The following MLH3 variants were observed in gnomAD, a reference collection of about 807,000 sequenced individuals.
MLH3 encodes the protein DNA mismatch repair protein Mlh3.
Under a neutral mutation model 122.2 loss-of-function variants are expected in MLH3, and 82 were observed. The ratio of observed to expected loss-of-function variants is 0.67; its 90% confidence interval spans 0.56 to 0.81. MLH3 has a LOEUF of 0.81. MLH3 is among the 30% of genes least tolerant of loss of function. The pLI, the probability that MLH3 is intolerant of heterozygous loss-of-function variation, is 0.00. For synonymous variants in MLH3, 524 were observed against 599.5 expected, an observed-to-expected ratio of 0.87 and a Z score of 1.84; for missense variants, 1,539 against 1,714.5, an observed-to-expected ratio of 0.90 and a Z score of 1.81.
intron 6 of MLH3, among the ~76,000 whole-genome samples, chr14:75,038,040 C>T (rs912498146): frequency 6.6e-6 from 1 of 152,286 alleles, no homozygotes; most frequent in African/African-American, 2.4e-5. Context: ...GCTGGGACTA[C>T]AGGTGCACAC....
chr14:75,023,903 G>A (rs175058), intron 9 of MLH3, among the ~76,000 whole-genome samples: 150,319 of 152,312 alleles, frequency 0.99, 74,201 homozygotes, highest in East Asian at 1. Flanking sequence ...CCTATAAATG[G>A]GCACAGTTAT....
chr14:75,049,083 A>C lies in MLH3; in HGVS notation c.573T>G (p.Asn191Lys). ...MHPSISFSLR[N>K]DVSGSMVLQL... ...GAAGAACCATGGAACCAGAAACATCATTTCTCAAAGAGAAAGAAATGGAAG... is the reference window on the plus strand; with the variant it reads ...GAAGAACCATGGAACCAGAAACATCCTTTCTCAAAGAGAAAGAAATGGAAG... The change falls in exon 2 of 13, where the codon AAT becomes AAG. Residue 191 changes from asparagine (N) to lysine (K), a missense_variant. Coordinates refer to ENST00000355774, the MANE Select transcript of MLH3 (RefSeq NM_001040108.2). The C allele has an allele frequency of 6.2e-7, 1 of 1,614,060 alleles. No individual in the cohort carries two copies. Among genetic ancestry groups the C allele is most frequent in the Non-Finnish European group, 8.5e-7 (1 of 1,179,992 alleles).
At chr14:75,046,289 A>G (rs1892212781) in intron 2 of MLH3, 87 bp downstream of exon 2, 4 of 1,341,178 alleles carry the variant, frequency 3.0e-6, no homozygotes, top group South Asian at 1.2e-5. Flanking sequence ...CTGTTGAGAT[A>G]ATCTCTTTGG....
intron 2 of MLH3, among the ~76,000 whole-genome samples, chr14:75,043,819 G>A (rs1323501321): frequency 1.3e-5 from 2 of 152,136 alleles, no homozygotes; most frequent in African/African-American, 4.8e-5. Context: ...TTTTAGGCTG[G>A]TGGCTCACGC....
At chr14:75,026,334 A>G (rs1890628122) in intron 9 of MLH3, among the ~76,000 whole-genome samples, 1 of 152,266 alleles carries the variant, frequency 6.6e-6, no homozygotes, top group East Asian at 1.9e-4. Context: ...ACTTCTGGAA[A>G]TAAAAAATAT....
chr14:75,046,285 A>C (rs1892212325), intron 2 of MLH3, 91 bp downstream of exon 2: 1 of 1,307,326 alleles, frequency 7.6e-7, no homozygotes, highest in Non-Finnish European at 1.1e-6. Flanking sequence ...CTATCTGTTG[A>C]GATAATCTCT....
chr14:75,020,865 CATTATTATT>C (rs35881732), intron 11 of MLH3: 1 of 148,106 alleles, frequency 6.8e-6, no homozygotes. Context: ...ATTCCATCTT[CATTATTATT>C]ATTATTATTA....
intron 11 of MLH3, 54 bp from the exon 12 acceptor site, chr14:75,019,034 G>A: frequency 6.6e-7 from 1 of 1,524,052 alleles, no homozygotes; most frequent in Non-Finnish European, 9.1e-7. Context: ...GGAAACCAAT[G>A]CTGACCTTGG....
chr14:75,047,197 G>A lies in MLH3; in HGVS notation c.2459C>T (p.Pro820Leu). ...EHSDSDSSCQ[P>L]ASHILNSEKF... is the part of the protein sequence containing the mutation. ...CTCTGAGTTAAGGATGTGGCTTGCTGGTTGACAACTACTATCTGAATCACT... is the reference window on the plus strand; with the variant it reads ...CTCTGAGTTAAGGATGTGGCTTGCTAGTTGACAACTACTATCTGAATCACT... The change falls in exon 2 of 13, where the codon CCA becomes CTA. Residue 820 changes from proline to leucine, a missense_variant. Pro to Leu is a moderately conservative substitution (Grantham distance 98). Transcript: ENST00000355774. The A allele has an allele frequency of 6.2e-7, 1 of 1,614,048 alleles. No homozygotes were observed. Among genetic ancestry groups the A allele is most frequent in the South Asian group, 1.1e-5 (1 of 91,072 alleles).
At chr14:75,045,732 T>C (rs1039443668) in intron 2 of MLH3, among the ~76,000 whole-genome samples, 3 of 152,162 alleles carry the variant, frequency 2.0e-5, no homozygotes, top group African/African-American at 7.2e-5. Context: ...TTCCCAACTA[T>C]TAATAGTATC....
In MLH3 at chr14:75,028,848, C is replaced by T. The variant is rs117531254; in HGVS notation, c.3987+1695G>A. Among the ~76,000 whole-genome samples the T allele has an allele frequency of 1.0e-3, 157 of 151,612 alleles. 5 individuals are homozygous for T. In the East Asian group the frequency reaches 0.029, roughly 28 times the overall value. The stretch of plus-strand genomic sequence containing the variant: ...CACTGTATTCTTACAATTAAGTAAG[C>T]TAGAGAAAAGAAAATGTTGGCCAGG... On this transcript the variant is annotated intron_variant, in intron 9 of 12. Coordinates refer to ENST00000355774, the MANE Select transcript of MLH3 (RefSeq NM_001040108.2).
chr14:75,027,664 T>TTA (rs778392259), intron 9 of MLH3, among the ~76,000 whole-genome samples: 1 of 30,900 alleles, frequency 3.2e-5, no homozygotes, highest in Non-Finnish European at 5.8e-5. Context: ...TTTACTTCAG[T>TTA]AAAAAAAAAA....
chr14:75,047,254 G>C lies in MLH3; in HGVS notation c.2402C>G (p.Ser801Cys), dbSNP rs1297851189. The C allele has an allele frequency of 1.2e-6, 2 of 1,614,160 alleles. No individual in the cohort carries two copies. The highest frequency in any genetic ancestry group is 2.2e-5 in the South Asian group (2 of 91,078). Residue 801 changes from serine to cysteine, a missense_variant, in exon 2 of 13, where the codon TCT becomes TGT. Coordinates refer to ENST00000355774, the MANE Select transcript of MLH3 (RefSeq NM_001040108.2). ...CATAGTAGTGATTTTACAAACATCA[G>C]AGTTCTCTAAGCGGTTCTTGTCCTT... Reference protein sequence around the residue: ...LLKDKNRLENSDVCKITTMEH... With the variant: ...LLKDKNRLENCDVCKITTMEH...
intron 9 of MLH3, among the ~76,000 whole-genome samples, chr14:75,029,317 G>A (rs1451867154): frequency 6.6e-6 from 1 of 152,102 alleles, no homozygotes. Context: ...GGTTGGTCTT[G>A]CTGTCTCAGG....
intron 11 of MLH3, among the ~76,000 whole-genome samples, chr14:75,021,527 A>G (rs1890279985): frequency 6.6e-6 from 1 of 152,244 alleles, no homozygotes. Flanking sequence ...GGACATGAAC[A>G]CACACTTCTC....
In MLH3 at chr14:75,042,362, C is replaced by T. The variant is rs1333775707; in HGVS notation, c.3379+17G>A. 1.9e-6 allele frequency: 3 copies of T among 1,609,532 alleles called. No homozygotes were observed. In the South Asian group the frequency reaches 3.3e-5, roughly 18 times the overall value. ...ACGATGTGTACTGTGTGCCCCAGCACTCTCTGCCACCCTTACCTCTGTTAT... is the reference window on the plus strand; with the variant it reads ...ACGATGTGTACTGTGTGCCCCAGCATTCTCTGCCACCCTTACCTCTGTTAT... On this transcript the variant is annotated intron_variant, in intron 3 of 12. Transcript: ENST00000355774.
At position 75,017,190 on chromosome 14, in the gene MLH3, GT is replaced by G. The variant is rs1889940788; in HGVS notation, c.4253del (p.Asn1418ThrfsTer75). On this transcript the variant is annotated frameshift_variant, in exon 13 of 13. Coordinates refer to ENST00000355774, the MANE Select transcript of MLH3 (RefSeq NM_001040108.2). LOFTEE classifies it high-confidence loss of function. ...GGGCCATTTTGCGAAGTTTAGTGAG[GT>G]TGGGTTTAATCTATGGGAAGAAAGA... is the stretch of plus-strand genomic sequence containing the variant. ...HLEQEKQIKP[N>X]LTKLRKMAQA... 6.2e-7 allele frequency: 1 copy of G among 1,611,428 alleles called. No homozygotes were observed. Among genetic ancestry groups the G allele is most frequent in the African/African-American group, 1.4e-5 (1 of 72,740 alleles).
At chr14:75,036,453 C>G in intron 6 of MLH3, 1 of 324,724 alleles carries the variant, frequency 3.1e-6, no homozygotes, top group Non-Finnish European at 6.1e-6. Context: ...TAAAGCAATT[C>G]TCTGCCTCAG....
Position 75,046,446 on chromosome 14 carries a change from T to G in MLH3, c.3210A>C (p.Pro1070=). The G allele has an allele frequency of 4.3e-6, 7 of 1,614,160 alleles. No individual in the cohort carries two copies. Among genetic ancestry groups the G allele is most frequent in the Non-Finnish European group, 5.9e-6 (7 of 1,180,014 alleles). Reference sequence around the variant, plus strand: ...TACAAGCAGCCTGAATGTCCTCAGTTGGGGCAATGAATGTGCTGAGTCCAG... The same window carrying G: ...TACAAGCAGCCTGAATGTCCTCAGTGGGGGCAATGAATGTGCTGAGTCCAG... The part of the protein sequence containing the change: ...KMTGLSTFIA[P]TEDIQAACTK... Residue 1070 remains proline, a synonymous_variant, in exon 2 of 13, where the codon CCA becomes CCC. Coordinates refer to ENST00000355774, the MANE Select transcript of MLH3 (RefSeq NM_001040108.2).
Sources: allele counts gnomAD v4.1 joint callset (sites outside exome capture counted in the v4.1 genomes callset), GRCh38; gene constraint gnomAD v4.1.1; transcripts MANE v1.5; gene names NCBI Gene and HGNC (gene_info 2026-07-23, HGNC 2026-07-21).